The following MSH3 variants were observed in gnomAD, a reference collection of about 807,000 sequenced individuals.
The protein encoded by MSH3 is mutS homolog 3.
A neutral mutation model predicts 123.3 loss-of-function variants in MSH3; 106 were observed. That is an observed-to-expected ratio of 0.86 (90% confidence interval 0.73 to 1.01). The LOEUF (loss-of-function observed/expected upper bound fraction) is 1.01, where lower values mean the gene tolerates loss of function less well. Among genes scored for constraint, MSH3 ranks in the 50% least tolerant of loss-of-function variants. The pLI is 0.00. For synonymous variants in MSH3, 515 were observed against 481.4 expected, an observed-to-expected ratio of 1.07 and a Z score of -0.91; for missense variants, 1,459 against 1,347.6, an observed-to-expected ratio of 1.08 and a Z score of -1.29.
At chr5:80,658,683 C>G (rs1320480478) in intron 2 of MSH3, among the ~76,000 whole-genome samples, 1 of 152,116 alleles carries the variant, frequency 6.6e-6, no homozygotes. Flanking sequence ...GCCTCAAACT[C>G]CTGGGCTCAA....
chr5:80,825,214 C>G (rs1745273539), intron 20 of MSH3, among the ~76,000 whole-genome samples: 1 of 152,204 alleles, frequency 6.6e-6, no homozygotes, highest in Non-Finnish European at 1.5e-5. Context: ...CCATTGCCCT[C>G]TACCCTATCC....
rs370848208 is a variant in MSH3, at chr5:80,763,560, CCTT to C, written c.1896+1886_1896+1888del. Among the ~76,000 whole-genome samples the C allele has an allele frequency of 5.7e-4, 87 of 152,332 alleles. 1 individual carries two copies. In the East Asian group the frequency reaches 0.016, roughly 28 times the overall value. The stretch of plus-strand genomic sequence containing the variant: ...GAGCCTGAAAATTGATGCATATTAA[CCTT>C]CTTTAAACAACAGATCTCCAGGCAC... On this transcript the variant is annotated intron_variant, in intron 13 of 23. Coordinates refer to ENST00000265081, the MANE Select transcript of MSH3 (RefSeq NM_002439.5).
At chr5:80,828,499 C>T (rs1745360149) in intron 20 of MSH3, among the ~76,000 whole-genome samples, 1 of 152,198 alleles carries the variant, frequency 6.6e-6, no homozygotes, top group African/African-American at 2.4e-5. Context: ...CCCACAAATT[C>T]TATGTCCTTC....
intron 12 of MSH3, among the ~76,000 whole-genome samples, chr5:80,759,887 C>T (rs183269345): frequency 5.5e-4 from 84 of 152,224 alleles, no homozygotes; most frequent in Middle Eastern, 3.4e-3. Flanking sequence ...TCTCCTGCAT[C>T]GTACTAACAA....
chr5:80,808,741 GTA>G (rs1294039277), intron 19 of MSH3, among the ~76,000 whole-genome samples: 1 of 151,202 alleles, frequency 6.6e-6, no homozygotes, highest in African/African-American at 2.4e-5. Flanking sequence ...ATACATGATT[GTA>G]TAGTTTTAAA....
intron 20 of MSH3, among the ~76,000 whole-genome samples, chr5:80,849,131 A>G (rs1026936195): frequency 3.3e-5 from 5 of 152,258 alleles, no homozygotes; most frequent in African/African-American, 1.2e-4. Context: ...TAAAGCTCCA[A>G]AATGGTATCT....
At chr5:80,771,074 C>A (rs992055878) in intron 15 of MSH3, among the ~76,000 whole-genome samples, 1 of 152,112 alleles carries the variant, frequency 6.6e-6, no homozygotes, top group African/African-American at 2.4e-5. Context: ...ATAATCTTCT[C>A]TAGGATTTTA....
rs2112884491 is a variant in MSH3 at position 80,768,072 on chromosome 5, T to C, written c.2036T>C (p.Leu679Pro). ...RTVILEIPELLSPVEHYLKIL... is the reference protein window; with the variant it reads ...RTVILEIPELPSPVEHYLKIL... The stretch of plus-strand genomic sequence containing the variant: ...GTTATTTTAGAAATTCCTGAACTCC[T>C]CAGTCCAGTGGAGCATTACTTAAAG... Residue 679 changes from leucine (L) to proline (P), a missense_variant, in exon 14 of 24, where the codon CTC (leucine) becomes CCC (proline). By Grantham distance (98) the Leu-to-Pro change is moderately conservative. Coordinates refer to ENST00000265081, the MANE Select transcript of MSH3 (RefSeq NM_002439.5). 1 of 1,613,796 alleles carries C rather than the reference T, an allele frequency of 6.2e-7. No homozygotes were observed. The highest frequency in any genetic ancestry group is 8.5e-7 in the Non-Finnish European group (1 of 1,179,764).
chr5:80,723,690 TAC>T (rs1420285051), intron 8 of MSH3, among the ~76,000 whole-genome samples: 6 of 152,196 alleles, frequency 3.9e-5, no homozygotes, highest in South Asian at 2.1e-4. Context: ...CATGAAATGA[TAC>T]AGTTTTTTAT....
intron 22 of MSH3, among the ~76,000 whole-genome samples, chr5:80,866,347 C>T (rs762834051): frequency 2.6e-5 from 4 of 152,182 alleles, no homozygotes; most frequent in Non-Finnish European, 4.4e-5. Context: ...CTATGTTGCC[C>T]AGGCTGGTCT....
intron 3 of MSH3, among the ~76,000 whole-genome samples, chr5:80,667,824 G>A (rs756990094): frequency 1.3e-5 from 2 of 152,194 alleles, no homozygotes; most frequent in Admixed American, 6.5e-5. Context: ...CTAGGTCTGA[G>A]CTCCCCAGAG....
intron 20 of MSH3, among the ~76,000 whole-genome samples, chr5:80,840,863 C>T (rs899713084): frequency 5.3e-5 from 8 of 150,322 alleles, no homozygotes; most frequent in African/African-American, 2.0e-4. Flanking sequence ...CATAGTATTC[C>T]ATGGTGTATG....
chr5:80,842,030 T>C (rs1228576480), intron 20 of MSH3, among the ~76,000 whole-genome samples: 1 of 152,236 alleles, frequency 6.6e-6, no homozygotes, highest in Non-Finnish European at 1.5e-5. Flanking sequence ...AGGGTTTTTA[T>C]GGTTTTAGGT....
intron 8 of MSH3, among the ~76,000 whole-genome samples, chr5:80,688,167 T>A (rs1750137625): frequency 6.6e-6 from 1 of 152,356 alleles, no homozygotes; most frequent in South Asian, 2.1e-4. Flanking sequence ...TGTGGAAGAA[T>A]GTCCTGTGGT....
rs534653035 is a variant in MSH3 at position 80,848,886 on chromosome 5, G to T, written c.2814-5244G>T. Reference sequence around the variant, plus strand: ...CATGCCTTCCCAACAGTCCCCTGGGGTGTTAATTTATTTCAGCATTAACTT... The same window carrying T: ...CATGCCTTCCCAACAGTCCCCTGGGTTGTTAATTTATTTCAGCATTAACTT... On this transcript the variant is annotated intron_variant, in intron 20 of 23. Coordinates refer to ENST00000265081, the MANE Select transcript of MSH3 (RefSeq NM_002439.5). Among the ~76,000 whole-genome samples, 8 of 152,264 alleles carry T rather than the reference G, an allele frequency of 5.3e-5. No homozygotes were observed. The East Asian group carries it at 1.4e-3, about 26-fold the overall frequency.
chr5:80,790,082 AAAT>A (rs1160264267), intron 18 of MSH3, among the ~76,000 whole-genome samples: 1 of 152,200 alleles, frequency 6.6e-6, no homozygotes. Context: ...TTAAAATAAA[AAAT>A]AAGCATACTC....
chr5:80,840,285 G>A (rs1481618824), intron 20 of MSH3, among the ~76,000 whole-genome samples: 1 of 152,052 alleles, frequency 6.6e-6, no homozygotes. Flanking sequence ...TGACAAACCT[G>A]ACAAAACAAG....
chr5:80,853,945 C>T (rs1253186996), intron 20 of MSH3, among the ~76,000 whole-genome samples, 185 bp from the exon 21 acceptor site: 6 of 152,188 alleles, frequency 3.9e-5, no homozygotes, highest in Admixed American at 3.9e-4. Flanking sequence ...CTACAAAGTA[C>T]AGTATGATGT....
chr5:80,733,728 A>G (rs1743454071), intron 10 of MSH3, among the ~76,000 whole-genome samples: 2 of 152,172 alleles, frequency 1.3e-5, no homozygotes, highest in African/African-American at 4.8e-5. Context: ...AATATGCTCA[A>G]CATCATTAAG....
Sources: gnomAD v4.1 joint callset for allele counts (sites outside exome capture counted in the v4.1 genomes callset) on GRCh38, gnomAD v4.1.1 for gene constraint, MANE v1.5 for transcripts, NCBI Gene and HGNC (gene_info 2026-07-23, HGNC 2026-07-21) for gene names.